The following HID1 variants were observed in gnomAD, a reference collection of about 807,000 sequenced individuals.
The protein encoded by HID1 is protein HID1.
A neutral mutation model predicts 89.7 loss-of-function variants in HID1; 42 were observed. The ratio of observed to expected loss-of-function variants is 0.47; its 90% CI spans 0.37 to 0.61. The LOEUF is 0.61. Ranked by LOEUF, HID1 falls within the 20% of genes least tolerant of loss-of-function variation. The pLI, the probability that HID1 is intolerant of heterozygous loss-of-function variation, is 0.00. For synonymous variants in HID1, 442 were observed against 433.8 expected, an observed-to-expected ratio of 1.02 and a Z score of -0.24; for missense variants, 854 against 1,039.3, an observed-to-expected ratio of 0.82 and a Z score of 2.45.
In HID1 at chr17:74,961,924, T is replaced by C. The variant is rs2039487599; in HGVS notation, c.677A>G (p.Glu226Gly). The change falls in exon 6 of 19, where the codon GAA becomes GGA. Residue 226 changes from glutamate (E) to glycine (G), a missense_variant. Coordinates refer to ENST00000425042, the MANE Select transcript of HID1 (RefSeq NM_030630.3). ...SEAMYLPPAP[E>G]SGSTNPWVQF... Reference sequence around the variant, plus strand: ...AACCCATGGGTTGGTGCTGCCACTTTCCGGAGCTGGGGGCAGGTACATGGC... The same window carrying C: ...AACCCATGGGTTGGTGCTGCCACTTCCCGGAGCTGGGGGCAGGTACATGGC... 4.4e-6 allele frequency: 7 copies of C among 1,604,392 alleles called. No homozygotes were observed. The highest frequency in any genetic ancestry group is 6.0e-6 in the Non-Finnish European group (7 of 1,175,328).
In HID1 at chr17:74,961,640, G is replaced by A. The variant is rs755331591; in HGVS notation, c.728+233C>T. On this transcript the variant is annotated intron_variant, in intron 6 of 18. Coordinates refer to ENST00000425042, the MANE Select transcript of HID1 (RefSeq NM_030630.3). ...TGCATTCTATTTCTACTGGACAGGCGGCTCTTGATGGAGGACCCAGGGACG... is the reference window on the plus strand; with the variant it reads ...TGCATTCTATTTCTACTGGACAGGCAGCTCTTGATGGAGGACCCAGGGACG... 4.4e-4 allele frequency: 139 copies of A among 316,240 alleles called. 1 individual carries two copies. The highest frequency in any genetic ancestry group is 4.2e-3 in the Middle Eastern group (5 of 1,190). 19.6% of individuals were successfully genotyped at this position (316,240 alleles called of 1,614,324 possible). A position where few individuals can be genotyped will look rare whatever the true frequency, so the allele number is the denominator to read the frequency against.
intron 1 of HID1, among the ~76,000 whole-genome samples, chr17:74,970,213 G>A (rs185101864): frequency 6.6e-5 from 10 of 152,066 alleles, no homozygotes; most frequent in African/African-American, 2.2e-4. Flanking sequence ...CACCACACCC[G>A]GCCCAAAATC....
chr17:74,954,447 G>A (rs551211217), intron 13 of HID1, 82 bp from the exon 14 acceptor site: 105 of 1,539,880 alleles, frequency 6.8e-5, no homozygotes, highest in Non-Finnish European at 8.5e-5. Flanking sequence ...CCTGGAAGGG[G>A]GAGTTTGGAG....
intron 1 of HID1, among the ~76,000 whole-genome samples, chr17:74,969,327 A>C (rs1358252837): frequency 6.6e-6 from 1 of 151,480 alleles, no homozygotes; most frequent in Non-Finnish European, 1.5e-5. Context: ...CCGGGATTAC[A>C]GGCGCCTGCC....
chr17:74,955,239 G>A (rs1230635302), intron 13 of HID1, among the ~76,000 whole-genome samples: 2 of 152,212 alleles, frequency 1.3e-5, no homozygotes, highest in East Asian at 3.8e-4. Context: ...TTACTACTCT[G>A]TACTTCCCTT....
chr17:74,954,414 C>T (rs574212864), intron 13 of HID1, 49 bp from the exon 14 acceptor site: 1 of 1,547,926 alleles, frequency 6.5e-7, no homozygotes, highest in African/African-American at 1.4e-5. Context: ...CTCCAGCTCC[C>T]CCCGTCCAAT....
rs919439460 is a variant in HID1, at chr17:74,972,670, G to A, written c.-14C>T. 3 of 1,535,968 alleles carry A rather than the reference G, an allele frequency of 2.0e-6. No homozygotes were observed. Among genetic ancestry groups the A allele is most frequent in the South Asian group, 2.4e-5 (2 of 82,194 alleles). On this transcript the variant is annotated 5_prime_UTR_variant, in exon 1 of 19. Coordinates refer to ENST00000425042, the MANE Select transcript of HID1 (RefSeq NM_030630.3). The surrounding 1 kb of genome is among the most constrained non-coding windows in gnomAD (Gnocchi z 6.4). ...GGTCGACCCCATGTCTCTGGAGCCC[G>A]CTCCGGCCCGGCCCCCGCCCAGACT...
rs1018924584 is a variant in HID1, at chr17:74,959,732, A to G, written c.1008+149T>C. The G allele has an allele frequency of 3.6e-4, 306 of 840,784 alleles. 2 individuals carry two copies. The highest frequency in any genetic ancestry group is 6.4e-5 in the Non-Finnish European group (33 of 517,834). The allele number at this position is 840,784 out of a possible 1,614,324, so 52.1% of individuals were successfully genotyped here. ...GCCATCAGCCCTTCCTGCATCTTGAAACCCTCACAGTCCTGCCACTATTTC... is the reference window on the plus strand; with the variant it reads ...GCCATCAGCCCTTCCTGCATCTTGAGACCCTCACAGTCCTGCCACTATTTC... On this transcript the variant is annotated intron_variant, in intron 8 of 18. Transcript: ENST00000425042. This position sits in a 1 kb window ranked among gnomAD's most constrained non-coding sequence, Gnocchi z 4.6.
At chr17:74,963,440 C>T in intron 3 of HID1, 1 of 506,350 alleles carries the variant, frequency 2.0e-6, no homozygotes, top group East Asian at 3.4e-5. Flanking sequence ...CAGTGTGGTC[C>T]CTCTCCGGCC....
rs2039429071 is a variant in HID1, at chr17:74,958,508, C to T, written c.1241-30G>A. On this transcript the variant is annotated intron_variant, in intron 10 of 18. Transcript: ENST00000425042. This position sits in a 1 kb window ranked among gnomAD's most constrained non-coding sequence, Gnocchi z 5.2. ...GGCAGGTGGCGTGGGAGGGGTCACT[C>T]GGGTGGGAGGGGGAAGGAGGGGCCC... 4 of 1,575,330 alleles carry T rather than the reference C, an allele frequency of 2.5e-6. No individual in the cohort carries two copies. Among genetic ancestry groups the T allele is most frequent in the Non-Finnish European group, 3.4e-6 (4 of 1,160,736 alleles).
intron 1 of HID1, among the ~76,000 whole-genome samples, chr17:74,970,066 T>G (rs112892463): frequency 0.081 from 12,210 of 151,302 alleles, 1,318 homozygotes; most frequent in African/African-American, 0.25. Context: ...ACAGGCATGT[T>G]CCACCACGCC....
chr17:74,953,191 G>A, intron 15 of HID1, 105 bp from the exon 16 acceptor site: 1 of 1,005,174 alleles, frequency 9.9e-7, no homozygotes, highest in Admixed American at 2.3e-5. Flanking sequence ...CCCACAAAGG[G>A]GAAGGCCCAG....
At chr17:74,956,963 C>T (rs2039400108) in intron 12 of HID1, among the ~76,000 whole-genome samples, 1 of 152,234 alleles carries the variant, frequency 6.6e-6, no homozygotes, top group Non-Finnish European at 1.5e-5. Context: ...CTGCCCAACA[C>T]AGTGGACATC....
rs1313837031 is a variant in HID1 at position 74,962,604 on chromosome 17, G to A, written c.505-264C>T. Among the ~76,000 whole-genome samples, 1 of 152,198 alleles carries A rather than the reference G, an allele frequency of 6.6e-6. No homozygotes were observed. The highest frequency in any genetic ancestry group is 1.5e-5 in the Non-Finnish European group (1 of 68,028). ...AGTTTGGGACAGGGAGAAAGGGAGG[G>A]AGGGGCAGGGGATTGGGTGCCCCGG... On this transcript the variant is annotated intron_variant, in intron 4 of 18. Transcript: ENST00000425042. The surrounding 1 kb of genome is among the most constrained non-coding windows in gnomAD (Gnocchi z 4.3).
intron 13 of HID1, chr17:74,954,594 C>A: frequency 2.9e-6 from 2 of 701,684 alleles, no homozygotes; most frequent in East Asian, 2.8e-5. Flanking sequence ...TCACAACACC[C>A]CCGCCCCAGT....
chr17:74,957,988 C>G, intron 12 of HID1, 153 bp downstream of exon 12: 1 of 573,558 alleles, frequency 1.7e-6, no homozygotes, highest in Non-Finnish European at 3.1e-6. Context: ...TGTTGTCACC[C>G]TTTTTTTTTA....
intron 13 of HID1, among the ~76,000 whole-genome samples, chr17:74,955,363 T>C (rs1462191446): frequency 6.6e-6 from 1 of 152,044 alleles, no homozygotes; most frequent in East Asian, 1.9e-4. Flanking sequence ...TAGCTAGGTA[T>C]GGTGGGGGGC....
chr17:74,957,317 TAC>T (rs2039404703), intron 12 of HID1, among the ~76,000 whole-genome samples: 1 of 40,660 alleles, frequency 2.5e-5, no homozygotes, highest in Non-Finnish European at 5.9e-5. Context: ...CTACTAAAAA[TAC>T]AAAAAAAAAA....
chr17:74,953,133 A>T, intron 15 of HID1, 47 bp from the exon 16 acceptor site: 80 of 1,177,750 alleles, frequency 6.8e-5, no homozygotes, highest in Non-Finnish European at 9.2e-5. Context: ...GCGGTGGGTG[A>T]GGGGTGGAGT....
Sources: gnomAD v4.1 joint callset for allele counts (sites outside exome capture counted in the v4.1 genomes callset) on GRCh38, gnomAD v4.1.1 for gene constraint, Gnocchi (gnomAD v3.1) non-coding constraint, MANE v1.5 for transcripts, NCBI Gene and HGNC (gene_info 2026-07-23, HGNC 2026-07-21) for gene names.